The following CTNNA3 variants were observed in gnomAD, a reference collection of about 807,000 sequenced individuals.
CTNNA3 encodes catenin alpha-3.
Under a neutral mutation model 95.7 loss-of-function variants are expected in CTNNA3, and 76 were observed. That is an observed-to-expected ratio of 0.79 (90% confidence interval 0.66 to 0.96). The LOEUF (loss-of-function observed/expected upper bound fraction) is 0.96, where lower values mean the gene tolerates loss of function less well. CTNNA3 is among the 40% of genes least tolerant of loss of function. CTNNA3 has a pLI of 0.00. For synonymous variants in CTNNA3, 431 were observed against 374.4 expected, an observed-to-expected ratio of 1.15 and a Z score of -1.74; for missense variants, 1,191 against 1,089.8, an observed-to-expected ratio of 1.09 and a Z score of -1.31.
chr10:66,539,806 G>A (rs184044638), intron 10 of CTNNA3, among the ~76,000 whole-genome samples: 12 of 152,218 alleles, frequency 7.9e-5, no homozygotes, highest in Non-Finnish European at 1.5e-4. Flanking sequence ...TGTTAGACAT[G>A]CAGAATCTCA....
intron 10 of CTNNA3, among the ~76,000 whole-genome samples, chr10:66,527,178 T>C (rs1841298005): frequency 6.6e-6 from 1 of 152,174 alleles, no homozygotes; most frequent in African/African-American, 2.4e-5. Context: ...GAAAAGACTA[T>C]CCTTTACCCA....
chr10:66,085,783 A>G (rs1433511030), intron 14 of CTNNA3, among the ~76,000 whole-genome samples: 1 of 152,308 alleles, frequency 6.6e-6, no homozygotes, highest in East Asian at 1.9e-4. Context: ...CTTCTGTGTT[A>G]CATTGTCAGA....
At chr10:65,969,071 T>C (rs1048119835) in intron 16 of CTNNA3, among the ~76,000 whole-genome samples, 1 of 152,156 alleles carries the variant, frequency 6.6e-6, no homozygotes, top group Non-Finnish European at 1.5e-5. Flanking sequence ...CCCATCGGTA[T>C]TGGTCATACA....
At chr10:66,488,779 G>T (rs1232566054) in intron 11 of CTNNA3, among the ~76,000 whole-genome samples, 1 of 152,016 alleles carries the variant, frequency 6.6e-6, no homozygotes, top group Non-Finnish European at 1.5e-5. Context: ...AGGAGCTAGA[G>T]ATTTTTTTTT....
chr10:66,964,277 CTTT>C (rs566704978), intron 7 of CTNNA3, among the ~76,000 whole-genome samples: 3 of 140,202 alleles, frequency 2.1e-5, no homozygotes, highest in Admixed American at 7.2e-5. Context: ...AAGAGCAGGT[CTTT>C]TTTTTTTTTT....
At position 66,025,128 on chromosome 10, in the gene CTNNA3, T is replaced by C. The variant is rs151141323; in HGVS notation, c.2160-36331A>G. Among the ~76,000 whole-genome samples, 470 of 152,360 alleles carry C rather than the reference T, an allele frequency of 3.1e-3. 3 individuals carry two copies. Among genetic ancestry groups the C allele is most frequent in the African/African-American group, 0.01 (435 of 41,578 alleles). ...ATAAAAATTCTGCCAATGGCCATTA[T>C]GTTACATACTCTATTTGCATTTGTC... On this transcript the variant is annotated intron_variant, in intron 15 of 17. Transcript: ENST00000433211.
intron 17 of CTNNA3, among the ~76,000 whole-genome samples, chr10:65,955,927 CT>C (rs2077719853): frequency 6.6e-6 from 1 of 152,226 alleles, no homozygotes; most frequent in South Asian, 2.1e-4. Context: ...AGGATTTCGT[CT>C]TTTTCCATTG....
chr10:67,604,392 GTTTGAAC>G (rs1403759824), intron 3 of CTNNA3, among the ~76,000 whole-genome samples: 1 of 152,140 alleles, frequency 6.6e-6, no homozygotes, highest in African/African-American at 2.4e-5. Context: ...AGGTTTAAAA[GTTTGAAC>G]TTTATTGAAA....
intron 7 of CTNNA3, among the ~76,000 whole-genome samples, chr10:67,030,288 T>G (rs1452810290): frequency 1.3e-5 from 2 of 152,178 alleles, no homozygotes; most frequent in Non-Finnish European, 2.9e-5. Flanking sequence ...TAAGAAACAT[T>G]TGAAGTCGAG....
intron 13 of CTNNA3, among the ~76,000 whole-genome samples, chr10:66,274,525 T>C (rs1322302121): frequency 6.6e-6 from 1 of 152,178 alleles, no homozygotes; most frequent in Non-Finnish European, 1.5e-5. Flanking sequence ...TATTATTAAT[T>C]TTATAATATT....
chr10:67,726,673 T>TCA (rs1491038417), intron 1 of CTNNA3, among the ~76,000 whole-genome samples: 18 of 546 alleles, frequency 0.033, no homozygotes, highest in African/African-American at 0.07. Flanking sequence ...ATTATATTAA[T>TCA]TATATAATAT....
At chr10:66,318,459 T>C (rs1379421479) in intron 12 of CTNNA3, among the ~76,000 whole-genome samples, 1 of 151,988 alleles carries the variant, frequency 6.6e-6, no homozygotes, top group Non-Finnish European at 1.5e-5. Flanking sequence ...TTGTGATCCA[T>C]AGATACCAAT....
At chr10:66,079,529 T>A (rs931263198) in intron 14 of CTNNA3, among the ~76,000 whole-genome samples, 1 of 151,974 alleles carries the variant, frequency 6.6e-6, no homozygotes, top group Admixed American at 6.6e-5. Context: ...ATGTATTAAA[T>A]GTGTAATTGA....
chr10:67,626,435 T>A (rs886263126), intron 2 of CTNNA3, among the ~76,000 whole-genome samples: 5 of 152,202 alleles, frequency 3.3e-5, no homozygotes, highest in Admixed American at 2.0e-4. Context: ...CTTTTTTGGT[T>A]CTGAATCACT....
chr10:67,598,417 A>G (rs563436611), intron 3 of CTNNA3, among the ~76,000 whole-genome samples: 70 of 152,112 alleles, frequency 4.6e-4, no homozygotes, highest in Admixed American at 2.4e-3. Flanking sequence ...TGGCAACCCC[A>G]TGCAGGGTTC....
intron 6 of CTNNA3, among the ~76,000 whole-genome samples, chr10:67,218,279 T>C (rs1025602471): frequency 7.9e-5 from 12 of 152,202 alleles, no homozygotes; most frequent in South Asian, 2.1e-4. Flanking sequence ...GTTCAACTTA[T>C]AATTTTTTCC....
At chr10:67,013,115 A>G (rs1394197475) in intron 7 of CTNNA3, 6 of 152,184 alleles carry the variant, frequency 3.9e-5, no homozygotes, top group African/African-American at 1.2e-4. Flanking sequence ...TTCATTTTCT[A>G]CATGGAGAAA....
At chr10:66,863,171 C>T (rs9415863) in intron 7 of CTNNA3, among the ~76,000 whole-genome samples, 18,799 of 145,592 alleles carry the variant, frequency 0.13, 1,571 homozygotes, top group East Asian at 0.29. Flanking sequence ...ATCACATGAG[C>T]CAATTCTTTA....
chr10:67,357,816 A>G (rs941930948), intron 5 of CTNNA3, among the ~76,000 whole-genome samples: 2 of 152,080 alleles, frequency 1.3e-5, no homozygotes, highest in Non-Finnish European at 2.9e-5. Context: ...TGAGAAAAAA[A>G]GAAGAGCCAA....
Sources: allele counts gnomAD v4.1 joint callset (sites outside exome capture counted in the v4.1 genomes callset), GRCh38; gene constraint gnomAD v4.1.1; transcripts MANE v1.5; gene names NCBI Gene and HGNC (gene_info 2026-07-23, HGNC 2026-07-21).